The following SIRPD variants were observed in gnomAD, a reference collection of about 807,000 sequenced individuals.
SIRPD encodes the protein signal-regulatory protein delta.
A neutral mutation model predicts 18.0 loss-of-function variants in SIRPD; 21 were observed. The ratio of observed to expected loss-of-function variants is 1.17; its 90% CI spans 0.83 to 1.68. The LOEUF (loss-of-function observed/expected upper bound fraction) is 1.68. Ranked by LOEUF, SIRPD falls within the 40% of genes most tolerant of loss-of-function variation. The pLI, the probability that SIRPD is intolerant of heterozygous loss-of-function variation, is 0.00. For synonymous variants in SIRPD, 106 were observed against 92.9 expected (o/e 1.14, Z -0.81); for missense variants, 295 against 238.4 (o/e 1.24, Z -1.56).
intron 1 of SIRPD, among the ~76,000 whole-genome samples, chr20:1,555,524 G>A (rs2091036669): frequency 6.6e-6 from 1 of 152,104 alleles, no homozygotes; most frequent in South Asian, 2.1e-4. Context: ...GTGAGGTGAT[G>A]GATATGTTAA....
rs765162941 is a variant in SIRPD, at chr20:1,537,156, T to A, written c.576A>T (p.Thr192=). ...GTACCTGAGGGTGGGGGCACTCACC[T>A]GTGAGTCCCAGCAGCCGGAGGCAGC... is the stretch of plus-strand genomic sequence containing the variant. ...PCCCLRLLGL[T]GLLSK is the part of the protein sequence containing the mutation. The change falls in exon 3 of 4, where the codon ACA becomes ACT. Residue 192 remains threonine (T), a splice_region_variant and synonymous_variant. Coordinates refer to ENST00000381623, the MANE Select transcript of SIRPD (RefSeq NM_178460.3). 4 of 1,613,610 alleles carry A rather than the reference T, an allele frequency of 2.5e-6. No homozygotes were observed. The South Asian group carries it at 4.4e-5, about 18-fold the overall frequency.
chr20:1,545,516 C>T (rs79839805), intron 2 of SIRPD, among the ~76,000 whole-genome samples: 3 of 152,178 alleles, frequency 2.0e-5, no homozygotes, highest in African/African-American at 4.8e-5. Flanking sequence ...GCAGTTCCTG[C>T]AACCTTTTAT....
At chr20:1,536,501 C>T (rs1267327569) in intron 3 of SIRPD, among the ~76,000 whole-genome samples, 1 of 151,522 alleles carries the variant, frequency 6.6e-6, no homozygotes, top group African/African-American at 2.4e-5. Context: ...GGTTGCCTCT[C>T]CTGACTGTGC....
intron 2 of SIRPD, among the ~76,000 whole-genome samples, chr20:1,547,745 T>C (rs1348640522): frequency 6.6e-6 from 1 of 152,232 alleles, no homozygotes; most frequent in Non-Finnish European, 1.5e-5. Context: ...AATAGTGCCA[T>C]CTTAAGAATG....
In SIRPD at chr20:1,540,142, G is replaced by A. The variant is rs79682096; in HGVS notation, c.422-2832C>T. 2,922 of 350,486 alleles carry A rather than the reference G, an allele frequency of 8.3e-3. 77 individuals are homozygous for A. The highest frequency in any genetic ancestry group is 0.058 in the African/African-American group (2,702 of 46,520). 21.7% of individuals were successfully genotyped at this position (350,486 alleles called of 1,614,324 possible). ...GCAATGTGAAAATGGAACACAGAGA[G>A]ATTTAAAGACACTGGCCTTGAAGAT... is the stretch of plus-strand genomic sequence containing the variant. On this transcript the variant is annotated intron_variant, in intron 2 of 3. Coordinates refer to ENST00000381623, the MANE Select transcript of SIRPD (RefSeq NM_178460.3).
chr20:1,536,402 GTTT>G lies in SIRPD; in HGVS notation c.577+750_577+752del, dbSNP rs11340259. ...ACTTGCATTTGAACCCCGGCCTGTC[GTTT>G]TTTTTTTTTTTTTTAATGCCTGTGC... On this transcript the variant is annotated intron_variant, in intron 3 of 3. Transcript: ENST00000381623. Among the ~76,000 whole-genome samples the G allele has an allele frequency of 1.5e-3, 207 of 137,200 alleles. 2 individuals carry two copies. The highest frequency in any genetic ancestry group is 2.5e-3 in the Non-Finnish European group (158 of 63,894). 90.0% of individuals were successfully genotyped at this position (137,200 alleles called of 152,430 possible).
chr20:1,548,027 A>G (rs966348897), intron 2 of SIRPD, among the ~76,000 whole-genome samples: 14 of 152,196 alleles, frequency 9.2e-5, no homozygotes, highest in African/African-American at 2.4e-4. Flanking sequence ...CCATTTGTCA[A>G]TAGAGATAGT....
intron 1 of SIRPD, among the ~76,000 whole-genome samples, chr20:1,554,472 C>A (rs2091031244): frequency 6.6e-6 from 1 of 151,988 alleles, no homozygotes; most frequent in Admixed American, 6.6e-5. Flanking sequence ...AGGGGAGGTA[C>A]CAGTGTACAA....
At chr20:1,538,944 G>T (rs537013052) in intron 2 of SIRPD, among the ~76,000 whole-genome samples, 6 of 152,240 alleles carry the variant, frequency 3.9e-5, no homozygotes, top group African/African-American at 1.4e-4. Flanking sequence ...TTTTGACCTT[G>T]TGTTTTGGGG....
intron 1 of SIRPD, among the ~76,000 whole-genome samples, 178 bp from the exon 2 acceptor site, chr20:1,552,216 G>A (rs1297776209): frequency 6.6e-6 from 1 of 152,178 alleles, no homozygotes; most frequent in Non-Finnish European, 1.5e-5. Context: ...TGAAGGAAGG[G>A]AGTTAGTCCA....
Position 1,534,270 on chromosome 20 carries a change from C to T in SIRPD, c.*155G>A, listed in dbSNP as rs2090935904. The T allele has an allele frequency of 9.8e-7, 1 of 1,015,890 alleles. No individual in the cohort carries two copies. Among genetic ancestry groups the T allele is most frequent in the Non-Finnish European group, 1.5e-6 (1 of 680,276 alleles). The allele number at this position is 1,015,890 out of a possible 1,614,324, so 62.9% of individuals were successfully genotyped here. A position where few individuals can be genotyped will look rare whatever the true frequency, so the allele number is the denominator to read the frequency against. On this transcript the variant is annotated 3_prime_UTR_variant, in exon 4 of 4. Transcript: ENST00000381623. ...CTGGAATTGGACCCAGGTAAATAGA[C>T]AGATTTATTGTACGATCAAGCTGGC...
chr20:1,539,780 C>T (rs1171385815), intron 2 of SIRPD, among the ~76,000 whole-genome samples: 1 of 152,202 alleles, frequency 6.6e-6, no homozygotes, highest in East Asian at 1.9e-4. Context: ...GTGAGCTGTC[C>T]TATGGAGAAG....
chr20:1,550,479 T>C (rs2091014044), intron 2 of SIRPD, among the ~76,000 whole-genome samples: 1 of 152,166 alleles, frequency 6.6e-6, no homozygotes, highest in Admixed American at 6.5e-5. Flanking sequence ...GCAGGAAAGA[T>C]TAAAGCCATG....
chr20:1,555,147 T>G (rs2091034799), intron 1 of SIRPD, among the ~76,000 whole-genome samples: 1 of 152,208 alleles, frequency 6.6e-6, no homozygotes, highest in Admixed American at 6.5e-5. Context: ...GAATACTATT[T>G]AGCTTTTGAA....
At chr20:1,549,170 A>C (rs1401037538) in intron 2 of SIRPD, among the ~76,000 whole-genome samples, 2 of 152,108 alleles carry the variant, frequency 1.3e-5, no homozygotes, top group African/African-American at 4.8e-5. Flanking sequence ...TTGAATAATA[A>C]AATTTCCATT....
At chr20:1,554,664 A>G (rs140867112) in intron 1 of SIRPD, among the ~76,000 whole-genome samples, 120 of 152,274 alleles carry the variant, frequency 7.9e-4, no homozygotes, top group African/African-American at 2.8e-3. Flanking sequence ...GCCCCAAGCT[A>G]AGGACAGTAT....
intron 2 of SIRPD, among the ~76,000 whole-genome samples, chr20:1,549,795 C>A (rs1456961403): frequency 1.3e-5 from 2 of 151,946 alleles, no homozygotes; most frequent in African/African-American, 4.8e-5. Flanking sequence ...TGCTGTTATG[C>A]CACCCATAGT....
chr20:1,553,682 G>C (rs554066935), intron 1 of SIRPD, among the ~76,000 whole-genome samples: 2 of 152,218 alleles, frequency 1.3e-5, no homozygotes, highest in South Asian at 4.2e-4. Flanking sequence ...CTTTTTATTT[G>C]TAAATGTCTC....
rs1002336097 is a variant in SIRPD, at chr20:1,536,558, G to A, written c.577+597C>T. On this transcript the variant is annotated intron_variant, in intron 3 of 3. Transcript: ENST00000381623. ...GAGTAGACAGGCAGGAGAAACACCC[G>A]CATCAAGAACGTAATCCTAGGTTTC... is the stretch of plus-strand genomic sequence containing the variant. Among the ~76,000 whole-genome samples, 6 of 152,170 alleles carry A rather than the reference G, an allele frequency of 3.9e-5. No homozygotes were observed. In the East Asian group the frequency reaches 5.8e-4, roughly 15 times the overall value.
Sources: gnomAD v4.1 joint callset for allele counts (sites outside exome capture counted in the v4.1 genomes callset) on GRCh38, gnomAD v4.1.1 for gene constraint, MANE v1.5 for transcripts, NCBI Gene and HGNC (gene_info 2026-07-23, HGNC 2026-07-21) for gene names.